Variants in CNOT1 observed in about 807,000 individuals in gnomAD.
CNOT1 encodes CCR4-NOT transcription complex subunit 1.
CNOT1 carries 15 observed loss-of-function variants against 273.8 expected under a neutral mutation model. The observed-to-expected ratio is 0.05, with a 90% CI of 0.04 to 0.08. CNOT1 has a LOEUF of 0.08. Among genes scored for constraint, CNOT1 ranks in the 10% least tolerant of loss-of-function variants. The pLI is 1.00. For missense variants in CNOT1, 1,644 were observed against 2,912.2 expected, an observed-to-expected ratio of 0.56 and a Z score of 10.02; for synonymous variants, 1,022 against 1,005.5, an observed-to-expected ratio of 1.02 and a Z score of -0.31.
intron 1 of CNOT1, among the ~76,000 whole-genome samples, chr16:58,605,670 C>T (rs1479304533): frequency 6.6e-6 from 1 of 151,980 alleles, no homozygotes; most frequent in African/African-American, 2.4e-5. Context: ...AATAAATTAC[C>T]TCTTTATTTT....
At chr16:58,564,962 A>G (rs997971119) in intron 16 of CNOT1, among the ~76,000 whole-genome samples, 3 of 152,272 alleles carry the variant, frequency 2.0e-5, no homozygotes, top group African/African-American at 7.2e-5. Flanking sequence ...TAATAAATAA[A>G]TAAAAGAAGT....
At chr16:58,565,539 G>A in intron 16 of CNOT1, among the ~76,000 whole-genome samples, 1 of 152,122 alleles carries the variant, frequency 6.6e-6, no homozygotes, top group Non-Finnish European at 1.5e-5. Flanking sequence ...TTCCCACAAT[G>A]CTCTTCAAAG....
At chr16:58,616,365 C>A (rs2043083120) in intron 1 of CNOT1, among the ~76,000 whole-genome samples, 1 of 148,208 alleles carries the variant, frequency 6.7e-6, no homozygotes, top group Non-Finnish European at 1.5e-5. Flanking sequence ...CTCGGCCTCC[C>A]AAAGTGCTGG....
intron 1 of CNOT1, among the ~76,000 whole-genome samples, chr16:58,600,373 G>C (rs1315320214): frequency 6.6e-6 from 1 of 152,072 alleles, no homozygotes; most frequent in Non-Finnish European, 1.5e-5. Context: ...ATTTTAGTAA[G>C]ACAACTTGTA....
At chr16:58,530,521 G>A (rs558047263) in intron 42 of CNOT1, 174 bp from the exon 43 acceptor site, 16 of 437,352 alleles carry the variant, frequency 3.7e-5, no homozygotes, top group African/African-American at 8.0e-5. Flanking sequence ...GGTGGCTGAC[G>A]CCTGTAATCC....
At position 58,591,528 on chromosome 16, in the gene CNOT1, C is replaced by T. The variant is rs547216969; in HGVS notation, c.103-2622G>A. 2.6e-5 allele frequency among the ~76,000 whole-genome samples: 4 copies of T among 152,142 alleles called. No homozygotes were observed. In the South Asian group the frequency reaches 6.2e-4, roughly 24 times the overall value. On this transcript the variant is annotated intron_variant, in intron 2 of 48. Coordinates refer to ENST00000317147, the MANE Select transcript of CNOT1 (RefSeq NM_016284.5). ...CAGCAGTTTGTGGGGCTGAACTGGG[C>T]GGATCACCTGAGGTCAGGAGTTCGA...
At position 58,586,537 on chromosome 16, in the gene CNOT1, TC is replaced by T; in HGVS notation, c.637+7del. On this transcript the variant is annotated splice_region_variant and intron_variant, in intron 7 of 48. Coordinates refer to ENST00000317147, the MANE Select transcript of CNOT1 (RefSeq NM_016284.5). The stretch of plus-strand genomic sequence containing the variant: ...ACCACCCACTGTAGGCTACAAAGAC[TC>T]CCTTACCTCTGCGCAGCGTCTTAAG... The T allele has an allele frequency of 6.2e-7, 1 of 1,607,890 alleles. No homozygotes were observed. The highest frequency in any genetic ancestry group is 8.5e-7 in the Non-Finnish European group (1 of 1,178,634).
rs1338170348 is a variant in CNOT1 at position 58,543,724 on chromosome 16, T to C, written c.4317A>G (p.Ile1439Met). Reference protein sequence around the residue: ...ALDSEESRMRIAAHHMMRNLT... With the variant: ...ALDSEESRMRMAAHHMMRNLT... ...AGTTACGCATCATGTGATGAGCTGCTATTCGCATTCGAGATTCCTCCGAAT... is the reference window on the plus strand; with the variant it reads ...AGTTACGCATCATGTGATGAGCTGCCATTCGCATTCGAGATTCCTCCGAAT... The change falls in exon 31 of 49, where the codon ATA becomes ATG. Residue 1439 changes from isoleucine to methionine, a missense_variant. By Grantham distance (10) the Ile-to-Met change is conservative. Around this residue, in one of 13 missense-constraint regions of CNOT1, gnomAD observed 133 missense variants for 230.4 expected, o/e 0.58. Coordinates refer to ENST00000317147, the MANE Select transcript of CNOT1 (RefSeq NM_016284.5). 1 of 1,614,178 alleles carries C rather than the reference T, an allele frequency of 6.2e-7. No individual in the cohort carries two copies. Among genetic ancestry groups the C allele is most frequent in the Admixed American group, 1.7e-5 (1 of 60,000 alleles).
chr16:58,580,775 A>AAT lies in CNOT1; in HGVS notation c.1216-17_1216-16dup, dbSNP rs1315228560. 1 of 1,601,048 alleles carries AAT rather than the reference A, an allele frequency of 6.2e-7. No homozygotes were observed. Among genetic ancestry groups the AAT allele is most frequent in the Non-Finnish European group, 8.5e-7 (1 of 1,173,742 alleles). ...ATGAAGGAGAGCTGCAATGAAAGAA[A>AAT]ATGCTTACCACCATAAATGATTGTG... On this transcript the variant is annotated splice_polypyrimidine_tract_variant and intron_variant, in intron 11 of 48. Transcript: ENST00000317147.
At chr16:58,523,315 AG>A in intron 47 of CNOT1, 54 bp downstream of exon 47, 1 of 1,514,044 alleles carries the variant, frequency 6.6e-7, no homozygotes, top group Non-Finnish European at 8.9e-7. Flanking sequence ...GAAAAAAAAA[AG>A]ATGAAAGGGA....
At chr16:58,536,914 A>G in intron 39 of CNOT1, 75 bp downstream of exon 39, 1 of 1,568,462 alleles carries the variant, frequency 6.4e-7, no homozygotes, top group Non-Finnish European at 8.6e-7. Flanking sequence ...TGTACGCAAT[A>G]CTGAGCTTTA....
chr16:58,614,655 C>T (rs1336422836), intron 1 of CNOT1, among the ~76,000 whole-genome samples: 1 of 126,032 alleles, frequency 7.9e-6, no homozygotes, highest in Non-Finnish European at 1.9e-5. Flanking sequence ...ACCCCATTCA[C>T]CATCTCCCCT....
At position 58,545,503 on chromosome 16, in the gene CNOT1, G is replaced by A; in HGVS notation, c.4007-12C>T. On this transcript the variant is annotated splice_polypyrimidine_tract_variant and intron_variant, in intron 29 of 48. Transcript: ENST00000317147. ...TGTAGTAGAAGTTGCTAAATGTCAA[G>A]TAATAAAAAGAGATTTAAAAAGTAC... The A allele has an allele frequency of 6.2e-7, 1 of 1,612,098 alleles. No homozygotes were observed. Among genetic ancestry groups the A allele is most frequent in the South Asian group, 1.1e-5 (1 of 90,636 alleles).
chr16:58,531,021 CTTA>C (rs1238325169), intron 42 of CNOT1, among the ~76,000 whole-genome samples: 1 of 152,106 alleles, frequency 6.6e-6, no homozygotes, highest in Admixed American at 6.6e-5. Context: ...TTCTTAATTC[CTTA>C]TTAAGTCTCA....
At chr16:58,539,714 CAATA>C (rs1567393541) in intron 35 of CNOT1, 50 bp downstream of exon 35, 5 of 1,501,194 alleles carry the variant, frequency 3.3e-6, no homozygotes, top group Admixed American at 2.1e-5. Flanking sequence ...TGGTGCAGGT[CAATA>C]AATGTTTACA....
intron 42 of CNOT1, among the ~76,000 whole-genome samples, chr16:58,531,625 T>A (rs557641146): frequency 9.2e-5 from 14 of 152,116 alleles, no homozygotes; most frequent in African/African-American, 3.4e-4. Context: ...AAAAAAACCC[T>A]TAACTGACAA....
intron 16 of CNOT1, among the ~76,000 whole-genome samples, chr16:58,572,505 A>C (rs1019756911): frequency 6.6e-6 from 1 of 152,024 alleles, no homozygotes; most frequent in Non-Finnish European, 1.5e-5. Context: ...ATGGTGGTGC[A>C]TACCTGTAAT....
chr16:58,525,967 G>A, intron 45 of CNOT1, 22 bp downstream of exon 45: 1 of 1,611,400 alleles, frequency 6.2e-7, no homozygotes, highest in Non-Finnish European at 8.5e-7. Flanking sequence ...ACGTAGATGA[G>A]TTTTAAGCCA....
At chr16:58,621,271 A>G (rs2043301719) in intron 1 of CNOT1, among the ~76,000 whole-genome samples, 1 of 151,502 alleles carries the variant, frequency 6.6e-6, no homozygotes, top group Admixed American at 6.6e-5. Flanking sequence ...CCAGCTAACT[A>G]TTCTTTCTTT....
Sources: gnomAD v4.1 joint callset for allele counts (sites outside exome capture counted in the v4.1 genomes callset) on GRCh38, gnomAD v4.1.1 for gene constraint, gnomAD v4.1.1 regional missense constraint, MANE v1.5 for transcripts, NCBI Gene and HGNC (gene_info 2026-07-23, HGNC 2026-07-21) for gene names.